GALNT9: variants seen among roughly 807,000 people sequenced by gnomAD.
The protein encoded by GALNT9 is polypeptide N-acetylgalactosaminyltransferase 9.
A neutral mutation model predicts 63.1 loss-of-function variants in GALNT9; 47 were observed. That is an observed-to-expected ratio of 0.75 (90% CI 0.59 to 0.95). GALNT9 has a LOEUF of 0.95. Ranked by LOEUF, GALNT9 falls within the 40% of genes least tolerant of loss-of-function variation. The pLI, the probability that GALNT9 is intolerant of heterozygous loss-of-function variation, is 0.00. For synonymous variants in GALNT9, 396 were observed against 365.7 expected, an observed-to-expected ratio of 1.08 and a Z score of -0.94; for missense variants, 829 against 874.8, an observed-to-expected ratio of 0.95 and a Z score of 0.66.
At chr12:132,251,228 G>A (rs538702666) in intron 5 of GALNT9, among the ~76,000 whole-genome samples, 14 of 152,282 alleles carry the variant, frequency 9.2e-5, no homozygotes, top group African/African-American at 3.4e-4. Flanking sequence ...AATTTCGATC[G>A]ATACAATTTT....
intron 1 of GALNT9, among the ~76,000 whole-genome samples, chr12:132,304,851 A>G (rs1193436411): frequency 1.5e-4 from 6 of 39,708 alleles, no homozygotes; most frequent in South Asian, 1.5e-3. Context: ...GCACACCCTC[A>G]CCCGGGCACA....
chr12:132,264,555 C>G (rs1339405810), intron 2 of GALNT9, among the ~76,000 whole-genome samples: 1 of 152,162 alleles, frequency 6.6e-6, no homozygotes, highest in Non-Finnish European at 1.5e-5. Flanking sequence ...TCCGCATGGC[C>G]GGAGGCCGTG....
chr12:132,304,630 G>T (rs183310236), intron 1 of GALNT9, among the ~76,000 whole-genome samples: 5 of 4,398 alleles, frequency 1.1e-3, no homozygotes, highest in African/African-American at 2.9e-3. Flanking sequence ...CAGCCTCACC[G>T]GGGCACACCC....
Position 132,236,368 on chromosome 12 carries a change from C to T in GALNT9, c.1077+11542G>A, listed in dbSNP as rs1411027448. On this transcript the variant is annotated intron_variant, in intron 6 of 10. Transcript: ENST00000328957. This position sits in a 1 kb window ranked among gnomAD's most constrained non-coding sequence, Gnocchi z 5.6. ...CAGTGTGGGGGCTGCGGGCTCCAGG[C>T]CTGGTGTCTCTGGAGGGGGCCTCGG... Among the ~76,000 whole-genome samples, 1 of 152,058 alleles carries T rather than the reference C, an allele frequency of 6.6e-6. No individual in the cohort carries two copies. Among genetic ancestry groups the T allele is most frequent in the African/African-American group, 2.4e-5 (1 of 41,394 alleles).
chr12:132,269,090 C>A (rs1268289968), intron 2 of GALNT9, among the ~76,000 whole-genome samples: 1 of 152,218 alleles, frequency 6.6e-6, no homozygotes, highest in African/African-American at 2.4e-5. Context: ...AGGGAGGAGG[C>A]CAAGGCCTGA....
chr12:132,315,442 G>T lies in GALNT9; in HGVS notation c.238+13524C>A, dbSNP rs1396280650. Among the ~76,000 whole-genome samples the T allele has an allele frequency of 4.6e-5, 7 of 152,250 alleles. No individual in the cohort carries two copies. Among genetic ancestry groups the T allele is most frequent in the Admixed American group, 4.6e-4 (7 of 15,286 alleles). On this transcript the variant is annotated intron_variant, in intron 1 of 10. Coordinates refer to ENST00000328957, the MANE Select transcript of GALNT9 (RefSeq NM_001122636.2). This position sits in a 1 kb window ranked among gnomAD's most constrained non-coding sequence, Gnocchi z 6.1. The stretch of plus-strand genomic sequence containing the variant: ...TTCCACCATTTTCTCAAAATAGTGT[G>T]AAAATAGCCCCTTGCAGAATTCAGA...
chr12:132,203,510 T>C lies in GALNT9; in HGVS notation c.1258A>G (p.Met420Val), dbSNP rs770985158. The C allele has an allele frequency of 9.9e-6, 16 of 1,613,670 alleles. No individual in the cohort carries two copies. The highest frequency in any genetic ancestry group is 1.3e-5 in the African/African-American group (1 of 75,050). Reference sequence around the variant, plus strand: ...CCGGCCTGTGGGGGACTCACCGACATGGGGATGTTCCAGGCCATGTACACG... The same window carrying C: ...CCGGCCTGTGGGGGACTCACCGACACGGGGATGTTCCAGGCCATGTACACG... ...SHVYMAWNIPMSNPGVDFGDV... is the reference protein window; with the variant it reads ...SHVYMAWNIPVSNPGVDFGDV... Residue 420 changes from methionine to valine, a missense_variant, in exon 7 of 11, where the codon ATG becomes GTG. Met to Val is a conservative substitution (Grantham distance 21). Transcript: ENST00000328957.
chr12:132,196,885 C>T lies in GALNT9; in HGVS notation c.*222G>A. The T allele has an allele frequency of 1.4e-6, 2 of 1,379,840 alleles. No homozygotes were observed. The highest frequency in any genetic ancestry group is 3.3e-5 in the South Asian group (2 of 60,278). The allele number at this position is 1,379,840 out of a possible 1,614,324, so 85.5% of individuals were successfully genotyped here. ...AGTTGGCATCACTGTCCCCAGACGC[C>T]CTCCCTCGGGTAGAGCCGCCTGTCC... On this transcript the variant is annotated 3_prime_UTR_variant, in exon 11 of 11. Coordinates refer to ENST00000328957, the MANE Select transcript of GALNT9 (RefSeq NM_001122636.2).
At chr12:132,243,802 G>A (rs2136905964) in intron 6 of GALNT9, among the ~76,000 whole-genome samples, 1 of 152,280 alleles carries the variant, frequency 6.6e-6, no homozygotes, top group East Asian at 1.9e-4. Flanking sequence ...TGGGGACTGG[G>A]AATCAGCCGC....
intron 1 of GALNT9, among the ~76,000 whole-genome samples, chr12:132,298,437 A>G (rs1881156073): frequency 6.6e-6 from 1 of 151,562 alleles, no homozygotes; most frequent in Non-Finnish European, 1.5e-5. Flanking sequence ...ATCCACTCCT[A>G]TAACTAACCT....
rs78331326 is a variant in GALNT9, at chr12:132,316,071, G to A, written c.238+12895C>T. ...CTCACGCCTGCAGGTCTTGGGTTCC[G>A]TCATGTTTCCTCATCAGCCTTTCGC... On this transcript the variant is annotated intron_variant, in intron 1 of 10. Transcript: ENST00000328957. This position sits in a 1 kb window ranked among gnomAD's most constrained non-coding sequence, Gnocchi z 4.3. Among the ~76,000 whole-genome samples the A allele has an allele frequency of 0.14, 21,489 of 152,108 alleles. 1,800 individuals are homozygous for A. Among genetic ancestry groups the A allele is most frequent in the South Asian group, 0.24 (1,170 of 4,822 alleles).
intron 1 of GALNT9, among the ~76,000 whole-genome samples, chr12:132,294,998 G>A (rs1235327513): frequency 6.6e-6 from 1 of 152,218 alleles, no homozygotes; most frequent in Non-Finnish European, 1.5e-5. Context: ...TGAAGAAACT[G>A]GTAAAAGTGT....
At position 132,197,723 on chromosome 12, in the gene GALNT9, G is replaced by C. The variant is rs936264906; in HGVS notation, c.1665+69C>G. On this transcript the variant is annotated intron_variant, in intron 10 of 10. Coordinates refer to ENST00000328957, the MANE Select transcript of GALNT9 (RefSeq NM_001122636.2). ...ACCCAATGGGCTGGCTCTAGTGGCA[G>C]AGGCACCCAGGGGTCCCAGCAGCCC... 1.1e-5 allele frequency: 13 copies of C among 1,213,362 alleles called. No individual in the cohort carries two copies. The African/African-American group carries it at 1.7e-4, about 15-fold the overall frequency. 75.2% of individuals were successfully genotyped at this position (1,213,362 alleles called of 1,614,324 possible). A position where few individuals can be genotyped will look rare whatever the true frequency, so the allele number is the denominator to read the frequency against.
At chr12:132,235,592 C>T (rs1030843573) in intron 6 of GALNT9, among the ~76,000 whole-genome samples, 3 of 152,142 alleles carry the variant, frequency 2.0e-5, no homozygotes, top group Non-Finnish European at 2.9e-5. Context: ...AGGGGGAGAC[C>T]CTGCCCTTCC....
At chr12:132,266,024 G>A (rs1188458917) in intron 2 of GALNT9, among the ~76,000 whole-genome samples, 7 of 149,316 alleles carry the variant, frequency 4.7e-5, no homozygotes, top group Middle Eastern at 3.4e-3. Flanking sequence ...TTACACGCCC[G>A]ACCTCGCCGT....
At chr12:132,210,008 C>G (rs1876884450) in intron 6 of GALNT9, among the ~76,000 whole-genome samples, 1 of 152,210 alleles carries the variant, frequency 6.6e-6, no homozygotes. Flanking sequence ...TCCAAGAGGC[C>G]TCTCTTGGGG....
intron 5 of GALNT9, among the ~76,000 whole-genome samples, chr12:132,248,912 G>A (rs1381371337): frequency 5.9e-5 from 9 of 152,086 alleles, no homozygotes; most frequent in East Asian, 1.9e-4. Context: ...CAGGATCCGC[G>A]GAGCAGTGAA....
intron 2 of GALNT9, among the ~76,000 whole-genome samples, chr12:132,267,801 G>GACACACACATC (rs1879678936): frequency 2.7e-5 from 1 of 36,380 alleles, no homozygotes; most frequent in African/African-American, 1.5e-4. Context: ...GCACTCACAC[G>GACACACACATC]CACTCACACA....
chr12:132,312,454 C>A (rs1440150078), intron 1 of GALNT9, among the ~76,000 whole-genome samples: 2 of 152,220 alleles, frequency 1.3e-5, no homozygotes, highest in South Asian at 2.1e-4. Flanking sequence ...GGTGTCCCAT[C>A]ACCTTGGTGG....
Sources: allele counts gnomAD v4.1 joint callset (sites outside exome capture counted in the v4.1 genomes callset), GRCh38; gene constraint gnomAD v4.1.1; non-coding constraint Gnocchi (gnomAD v3.1); transcripts MANE v1.5; gene names NCBI Gene and HGNC (gene_info 2026-07-23, HGNC 2026-07-21).